The following GPHN variants were observed in gnomAD, a reference collection of about 807,000 sequenced individuals.
GPHN encodes the protein gephyrin.
In GPHN, 17 loss-of-function variants were observed where a neutral mutation model predicts 95.5. The observed-to-expected ratio is 0.18, with a 90% confidence interval of 0.12 to 0.27. The LOEUF (loss-of-function observed/expected upper bound fraction) is 0.27. Ranked by LOEUF, GPHN falls within the 10% of genes least tolerant of loss-of-function variation. GPHN has a pLI of 1.00. For synonymous variants in GPHN, 320 were observed against 322.5 expected (o/e 0.99, Z 0.08); for missense variants, 660 against 978.1 (o/e 0.67, Z 4.34).
the GPHN span, among the ~76,000 whole-genome samples, chr14:67,438,860 CA>C: frequency 0.067 from 3,773 of 56,036 alleles, 33 homozygotes; most frequent in African/African-American, 0.11. Flanking sequence ...GACTCCGTCT[CA>C]AAAAAAAAAA....
intron 1 of GPHN, among the ~76,000 whole-genome samples, chr14:66,596,460 A>G (rs2061976699): frequency 6.6e-6 from 1 of 152,066 alleles, no homozygotes; most frequent in Non-Finnish European, 1.5e-5. Flanking sequence ...TGTTGCCTGC[A>G]GGCCTGCATC....
chr14:67,269,163 GT>G, the GPHN span, among the ~76,000 whole-genome samples: 1 of 152,118 alleles, frequency 6.6e-6, no homozygotes, highest in Non-Finnish European at 1.5e-5. Context: ...TTTAAATCCT[GT>G]TTGTAGGGTT....
At chr14:67,572,811 T>C in the GPHN span, among the ~76,000 whole-genome samples, 1 of 152,176 alleles carries the variant, frequency 6.6e-6, no homozygotes, top group Non-Finnish European at 1.5e-5. Context: ...ATCATCTCCC[T>C]GGCTCCATGA....
At chr14:67,240,869 G>A in the GPHN span, among the ~76,000 whole-genome samples, 1 of 152,236 alleles carries the variant, frequency 6.6e-6, no homozygotes, top group African/African-American at 2.4e-5. Context: ...TCTTCTGCGG[G>A]ACACTGCACA....
At chr14:66,895,020 A>G (rs1320318102) in intron 5 of GPHN, among the ~76,000 whole-genome samples, 2 of 151,596 alleles carry the variant, frequency 1.3e-5, no homozygotes, top group African/African-American at 4.9e-5. Flanking sequence ...ATATACCCAA[A>G]GGATTATAAA....
chr14:67,085,486 T>C (rs972896779), intron 11 of GPHN, among the ~76,000 whole-genome samples: 2 of 152,222 alleles, frequency 1.3e-5, no homozygotes, highest in Non-Finnish European at 1.5e-5. Flanking sequence ...GTGAGATCTA[T>C]AATACAGCTG....
intron 11 of GPHN, among the ~76,000 whole-genome samples, chr14:67,070,711 A>ATATATATAT (rs1555482635): frequency 1.1e-5 from 1 of 89,944 alleles, no homozygotes; most frequent in Non-Finnish European, 1.7e-5. Flanking sequence ...AAAAAAAAAA[A>ATATATATAT]AAAAATATAT....
chr14:67,202,429 G>C, the GPHN span, among the ~76,000 whole-genome samples: 1 of 151,970 alleles, frequency 6.6e-6, no homozygotes, highest in South Asian at 2.1e-4. Flanking sequence ...AACAGAACGA[G>C]ACTGCACCTA....
At chr14:67,700,096 T>C in the GPHN span, among the ~76,000 whole-genome samples, 1 of 150,994 alleles carries the variant, frequency 6.6e-6, no homozygotes, top group East Asian at 2.0e-4. Flanking sequence ...GCTGAGATGA[T>C]GCCACTGTAC....
intron 2 of GPHN, among the ~76,000 whole-genome samples, chr14:66,717,806 C>T (rs1020199993): frequency 6.6e-6 from 1 of 152,164 alleles, no homozygotes; most frequent in South Asian, 2.1e-4. Context: ...CGCGCCTACC[C>T]GGCTCCAGGC....
chr14:66,780,771 A>T (rs1038187561), intron 3 of GPHN, among the ~76,000 whole-genome samples: 1 of 152,216 alleles, frequency 6.6e-6, no homozygotes, highest in African/African-American at 2.4e-5. Flanking sequence ...ATTTGATGGC[A>T]CATTAGCATT....
chr14:67,465,562 A>G, the GPHN span, among the ~76,000 whole-genome samples: 1 of 152,194 alleles, frequency 6.6e-6, no homozygotes, highest in African/African-American at 2.4e-5. Context: ...GGATGCCTAA[A>G]TCCTTGCGTT....
intron 1 of GPHN, among the ~76,000 whole-genome samples, chr14:66,557,188 C>A (rs996400710): frequency 2.6e-5 from 4 of 151,474 alleles, no homozygotes; most frequent in South Asian, 4.2e-4. Context: ...GCCTGGGCAA[C>A]AAAGCATGAC....
At chr14:66,788,051 C>T (rs573796172) in intron 3 of GPHN, among the ~76,000 whole-genome samples, 2 of 152,078 alleles carry the variant, frequency 1.3e-5, no homozygotes, top group Admixed American at 1.3e-4. Context: ...AACTGCAGGC[C>T]GGGTGCAGTG....
the GPHN span, among the ~76,000 whole-genome samples, chr14:67,372,764 G>T: frequency 6.6e-6 from 1 of 151,518 alleles, no homozygotes; most frequent in African/African-American, 2.4e-5. Flanking sequence ...GGAGGCAGAG[G>T]TTGCAGTGAG....
chr14:66,684,251 G>T (rs540454787), intron 2 of GPHN, among the ~76,000 whole-genome samples: 1 of 152,178 alleles, frequency 6.6e-6, no homozygotes, highest in South Asian at 2.1e-4. Context: ...AAGGAAGACA[G>T]AATAATAGAG....
intron 11 of GPHN, among the ~76,000 whole-genome samples, chr14:67,073,069 G>T (rs1469940652): frequency 1.3e-5 from 2 of 151,310 alleles, no homozygotes; most frequent in African/African-American, 4.9e-5. Context: ...TATAAACTTT[G>T]TTTTTTTAAT....
chr14:66,837,088 T>G (rs372685148), intron 4 of GPHN, among the ~76,000 whole-genome samples: 1,798 of 151,050 alleles, frequency 0.012, 13 homozygotes, highest in Non-Finnish European at 0.018. Context: ...GCCATCCCAT[T>G]ACTGGGTATA....
chr14:67,373,605 T>C, the GPHN span, among the ~76,000 whole-genome samples: 3 of 152,220 alleles, frequency 2.0e-5, no homozygotes, highest in Non-Finnish European at 4.4e-5. Context: ...CTGGAAGTCA[T>C]TGCCAGGCAC....
Sources: gnomAD v4.1 joint callset for allele counts (sites outside exome capture counted in the v4.1 genomes callset) on GRCh38, gnomAD v4.1.1 for gene constraint, MANE v1.5 for transcripts, NCBI Gene and HGNC (gene_info 2026-07-23, HGNC 2026-07-21) for gene names.